The following FXYD6 variants were observed in gnomAD, a reference collection of about 807,000 sequenced individuals.
The protein encoded by FXYD6 is FXYD domain-containing ion transport regulator 6.
Under a neutral mutation model 16.7 loss-of-function variants are expected in FXYD6, and 7 were observed. The ratio of observed to expected loss-of-function variants is 0.42; its 90% confidence interval spans 0.24 to 0.79. The LOEUF is 0.79. FXYD6 is among the 30% of genes least tolerant of loss of function. The pLI is 0.28. For missense variants in FXYD6, 111 were observed against 116.2 expected (o/e 0.95, Z 0.21); for synonymous variants, 49 against 43.0 (o/e 1.14, Z -0.54).
At chr11:117,873,690 C>T (rs1469069837) in intron 1 of FXYD6, among the ~76,000 whole-genome samples, 2 of 152,108 alleles carry the variant, frequency 1.3e-5, no homozygotes, top group Non-Finnish European at 2.9e-5. Context: ...CAGATGGCGG[C>T]CGACTAAGTC....
intron 1 of FXYD6, among the ~76,000 whole-genome samples, chr11:117,849,814 T>C (rs1274620941): frequency 2.0e-5 from 3 of 152,166 alleles, no homozygotes; most frequent in Non-Finnish European, 4.4e-5. Context: ...ACTGGTTACT[T>C]TACAGATAAC....
intron 1 of FXYD6, among the ~76,000 whole-genome samples, chr11:117,858,530 A>C (rs1397112901): frequency 1.3e-5 from 2 of 150,250 alleles, no homozygotes; most frequent in African/African-American, 2.5e-5. Context: ...TGCCCTAAAC[A>C]CTCTCCTGTC....
chr11:117,873,252 T>C (rs1400250440), intron 1 of FXYD6, among the ~76,000 whole-genome samples: 1 of 152,184 alleles, frequency 6.6e-6, no homozygotes, highest in East Asian at 1.9e-4. Flanking sequence ...CCCTGTATTA[T>C]GAAATAATGA....
In FXYD6 at chr11:117,841,774, C is replaced by A. The variant is rs771644244; in HGVS notation, c.172+17G>T. 6.2e-7 allele frequency: 1 copy of A among 1,613,426 alleles called. No homozygotes were observed. The highest frequency in any genetic ancestry group is 1.1e-5 in the South Asian group (1 of 91,060). ...CAGTCATTGCTCTTAACAGAGTGAG[C>A]AAAAGAACAAACTTACTTAGGATAA... On this transcript the variant is annotated intron_variant, in intron 4 of 7. Coordinates refer to ENST00000526014, the MANE Select transcript of FXYD6 (RefSeq NM_022003.4).
At chr11:117,854,504 G>T (rs1196812149) in intron 1 of FXYD6, among the ~76,000 whole-genome samples, 2 of 152,236 alleles carry the variant, frequency 1.3e-5, no homozygotes, top group African/African-American at 4.8e-5. Flanking sequence ...TCCTAGAAAG[G>T]GCCATACTAT....
At chr11:117,849,165 T>G (rs191092013) in intron 1 of FXYD6, among the ~76,000 whole-genome samples, 1 of 152,228 alleles carries the variant, frequency 6.6e-6, no homozygotes, top group Non-Finnish European at 1.5e-5. Flanking sequence ...ACTTCAAAGC[T>G]TCTGTAAGGG....
chr11:117,841,022 CA>C, intron 5 of FXYD6, 125 bp downstream of exon 5: 1 of 1,268,956 alleles, frequency 7.9e-7, no homozygotes, highest in East Asian at 2.5e-5. Flanking sequence ...CCCTACGTCC[CA>C]ACACACACGT....
chr11:117,869,419 G>T (rs577200705), intron 1 of FXYD6, among the ~76,000 whole-genome samples: 1 of 152,172 alleles, frequency 6.6e-6, no homozygotes, highest in South Asian at 2.1e-4. Context: ...CCAACGGCTC[G>T]AATGCTGCCC....
intron 1 of FXYD6, among the ~76,000 whole-genome samples, chr11:117,853,552 T>C (rs779449510): frequency 2.6e-5 from 4 of 152,184 alleles, no homozygotes; most frequent in Non-Finnish European, 5.9e-5. Flanking sequence ...GGCTGGAGTA[T>C]AGTGGCACAA....
chr11:117,855,705 C>T (rs1284798892), intron 1 of FXYD6, among the ~76,000 whole-genome samples: 2 of 152,130 alleles, frequency 1.3e-5, no homozygotes, highest in African/African-American at 2.4e-5. Flanking sequence ...GGAAGGAGAT[C>T]CAAGGCTGAA....
chr11:117,839,875 C>T (rs1239480300), intron 6 of FXYD6, 45 bp from the exon 7 acceptor site: 2 of 1,612,936 alleles, frequency 1.2e-6, no homozygotes, highest in East Asian at 2.2e-5. Context: ...GACTCCTCAC[C>T]CCCGTGGGCC....
At chr11:117,853,838 G>A (rs1383533475) in intron 1 of FXYD6, among the ~76,000 whole-genome samples, 2 of 152,120 alleles carry the variant, frequency 1.3e-5, no homozygotes, top group Admixed American at 6.5e-5. Flanking sequence ...TTTTGGTAGT[G>A]TTTGGTGTGG....
At chr11:117,851,936 T>C (rs999564381) in intron 1 of FXYD6, among the ~76,000 whole-genome samples, 3 of 152,202 alleles carry the variant, frequency 2.0e-5, no homozygotes, top group Non-Finnish European at 4.4e-5. Flanking sequence ...TGGTGTTATA[T>C]CATATAAGAC....
rs1331250884 is a variant in FXYD6 at position 117,841,015 on chromosome 11, T to C, written c.209+133A>G. On this transcript the variant is annotated intron_variant, in intron 5 of 7. Coordinates refer to ENST00000526014, the MANE Select transcript of FXYD6 (RefSeq NM_022003.4). The stretch of plus-strand genomic sequence containing the variant: ...CTGGCAGTCCTCAAACTTCCAGCCC[T>C]ACGTCCCAACACACACGTTCTGCCT... 2.5e-6 allele frequency: 3 copies of C among 1,181,272 alleles called. No homozygotes were observed. In the East Asian group the frequency reaches 7.6e-5, roughly 30 times the overall value. 73.2% of individuals were successfully genotyped at this position (1,181,272 alleles called of 1,614,324 possible).
intron 2 of FXYD6, 39 bp from the exon 3 acceptor site, chr11:117,842,067 C>A: frequency 6.2e-7 from 1 of 1,613,952 alleles, no homozygotes; most frequent in Non-Finnish European, 8.5e-7. Flanking sequence ...AAGAAAGCTA[C>A]ACAAACTGGT....
chr11:117,849,499 T>C (rs2056554191), intron 1 of FXYD6, among the ~76,000 whole-genome samples: 1 of 152,146 alleles, frequency 6.6e-6, no homozygotes, highest in African/African-American at 2.4e-5. Flanking sequence ...AAGTTCTATA[T>C]GCCTATAAAT....
At chr11:117,839,231 T>C (rs921922536) in intron 7 of FXYD6, 2 of 153,124 alleles carry the variant, frequency 1.3e-5, no homozygotes, top group Non-Finnish European at 2.9e-5. Context: ...GTGGTGGCAC[T>C]CTGAAAACTG....
intron 1 of FXYD6, among the ~76,000 whole-genome samples, chr11:117,866,521 A>G (rs2057017800): frequency 1.3e-5 from 2 of 152,174 alleles, no homozygotes; most frequent in Non-Finnish European, 2.9e-5. Context: ...TGTTCTGCTG[A>G]CTATGACTGA....
chr11:117,858,079 G>C (rs1023688993), intron 1 of FXYD6: 1 of 152,214 alleles, frequency 6.6e-6, no homozygotes, highest in African/African-American at 2.4e-5. Flanking sequence ...CAGTACTGGA[G>C]AGGCTGGATG....
Sources: gnomAD v4.1 joint callset for allele counts (sites outside exome capture counted in the v4.1 genomes callset) on GRCh38, gnomAD v4.1.1 for gene constraint, MANE v1.5 for transcripts, NCBI Gene and HGNC (gene_info 2026-07-23, HGNC 2026-07-21) for gene names.